Variants in SPATA17 observed in about 807,000 individuals in gnomAD.
SPATA17 encodes spermatogenesis-associated protein 17.
SPATA17 carries 53 observed loss-of-function variants against 62.2 expected under a neutral mutation model. That is an observed-to-expected ratio of 0.85 (90% CI 0.68 to 1.07). The LOEUF (loss-of-function observed/expected upper bound fraction) is 1.07, where lower values mean the gene tolerates loss of function less well. SPATA17 is among the 50% of genes least tolerant of loss of function. The pLI is 0.00. For missense variants in SPATA17, 466 were observed against 425.5 expected (o/e 1.10, Z -0.84); for synonymous variants, 146 against 146.8 (o/e 0.99, Z 0.04).
intron 3 of SPATA17, among the ~76,000 whole-genome samples, chr1:217,656,282 C>T (rs1252607575): frequency 2.6e-5 from 4 of 152,054 alleles, no homozygotes; most frequent in Admixed American, 6.6e-5. Flanking sequence ...ATGATGCTGG[C>T]GTTGCTGATT....
chr1:217,766,774 G>A (rs1304514960), intron 6 of SPATA17, among the ~76,000 whole-genome samples: 1 of 149,822 alleles, frequency 6.7e-6, no homozygotes, highest in East Asian at 2.0e-4. Flanking sequence ...GGTTCACGGG[G>A]CACACATGCA....
chr1:217,760,273 C>A (rs553739006), intron 6 of SPATA17, among the ~76,000 whole-genome samples: 2 of 152,050 alleles, frequency 1.3e-5, no homozygotes, highest in African/African-American at 2.4e-5. Flanking sequence ...ATTTTCTGGG[C>A]CTTCTACTAT....
At chr1:217,782,417 T>A (rs1350123033) in intron 8 of SPATA17, 95 bp downstream of exon 8, 1 of 1,355,072 alleles carries the variant, frequency 7.4e-7, no homozygotes, top group African/African-American at 1.5e-5. Context: ...AATCTTTTAT[T>A]TGTGAGAAAA....
Position 217,868,083 on chromosome 1 carries a change from T to C in SPATA17, c.*1064T>C, listed in dbSNP as rs1425233764. 2.6e-5 allele frequency: 4 copies of C among 152,196 alleles called. No homozygotes were observed. Among genetic ancestry groups the C allele is most frequent in the Non-Finnish European group, 5.9e-5 (4 of 68,036 alleles). 9.4% of individuals were successfully genotyped at this position (152,196 alleles called of 1,614,324 possible). A position where few individuals can be genotyped will look rare whatever the true frequency, so the allele number is the denominator to read the frequency against. Reference sequence around the variant, plus strand: ...TAAAAAGACATTATCTATCAATCACTGTGTGTGTACAGTTTTGAGCTCCTG... The same window carrying C: ...TAAAAAGACATTATCTATCAATCACCGTGTGTGTACAGTTTTGAGCTCCTG... On this transcript the variant is annotated 3_prime_UTR_variant, in exon 11 of 11. Coordinates refer to ENST00000366933, the MANE Select transcript of SPATA17 (RefSeq NM_138796.4).
At chr1:217,814,594 T>C (rs918404647) in intron 9 of SPATA17, among the ~76,000 whole-genome samples, 6 of 152,148 alleles carry the variant, frequency 3.9e-5, no homozygotes, top group South Asian at 2.1e-4. Flanking sequence ...ACTCCTGTAA[T>C]CCCAGCACTT....
At chr1:217,853,268 T>G (rs922128580) in intron 9 of SPATA17, among the ~76,000 whole-genome samples, 2 of 152,166 alleles carry the variant, frequency 1.3e-5, no homozygotes, top group African/African-American at 4.8e-5. Flanking sequence ...CATTACCTTA[T>G]TTTTTATGTC....
intron 9 of SPATA17, among the ~76,000 whole-genome samples, chr1:217,839,992 A>C (rs1333830910): frequency 1.4e-5 from 2 of 144,892 alleles, no homozygotes; most frequent in African/African-American, 4.9e-5. Flanking sequence ...ATCGTGTTTA[A>C]AGGTTTAATC....
intron 8 of SPATA17, among the ~76,000 whole-genome samples, chr1:217,801,447 T>C (rs1674309616): frequency 6.6e-6 from 1 of 152,250 alleles, no homozygotes; most frequent in East Asian, 1.9e-4. Flanking sequence ...AAATGTATTA[T>C]TTAACATTAT....
intron 5 of SPATA17, among the ~76,000 whole-genome samples, chr1:217,735,471 C>G (rs1672491819): frequency 6.6e-6 from 1 of 152,186 alleles, no homozygotes. Flanking sequence ...CAAATGCCAT[C>G]ACATTTAGGA....
At chr1:217,703,482 C>T (rs1272699552) in intron 5 of SPATA17, among the ~76,000 whole-genome samples, 1 of 152,154 alleles carries the variant, frequency 6.6e-6, no homozygotes, top group East Asian at 1.9e-4. Context: ...TATTTCATTA[C>T]TTTTTATCCT....
intron 1 of SPATA17, among the ~76,000 whole-genome samples, chr1:217,644,230 T>C (rs898076497): frequency 6.6e-6 from 1 of 152,160 alleles, no homozygotes; most frequent in African/African-American, 2.4e-5. Flanking sequence ...ACTAATGAAA[T>C]ATAAAACATA....
At chr1:217,742,180 A>T in intron 6 of SPATA17, 82 bp downstream of exon 6, 1 of 1,522,562 alleles carries the variant, frequency 6.6e-7, no homozygotes, top group South Asian at 1.2e-5. Context: ...GCTGAATGGG[A>T]CATGACTTGT....
At chr1:217,652,739 A>G (rs1380912454) in intron 3 of SPATA17, among the ~76,000 whole-genome samples, 1 of 152,184 alleles carries the variant, frequency 6.6e-6, no homozygotes. Flanking sequence ...TTAAATATGC[A>G]ATATCTCTGA....
intron 3 of SPATA17, among the ~76,000 whole-genome samples, chr1:217,658,209 G>A (rs1272174717): frequency 6.6e-6 from 1 of 152,146 alleles, no homozygotes; most frequent in Non-Finnish European, 1.5e-5. Flanking sequence ...AGGTGTTTGG[G>A]TCATGGGGGA....
chr1:217,786,722 T>A (rs1450730942), intron 8 of SPATA17, among the ~76,000 whole-genome samples: 1 of 151,352 alleles, frequency 6.6e-6, no homozygotes, highest in African/African-American at 2.4e-5. Context: ...AGGTTAGAAC[T>A]AAAATGATAG....
chr1:217,711,431 A>G (rs1409283209), intron 5 of SPATA17, among the ~76,000 whole-genome samples: 1 of 152,230 alleles, frequency 6.6e-6, no homozygotes, highest in Non-Finnish European at 1.5e-5. Context: ...GATAAAAAAT[A>G]TAAGACATAA....
At chr1:217,736,922 G>A (rs1250591937) in intron 5 of SPATA17, among the ~76,000 whole-genome samples, 1 of 152,188 alleles carries the variant, frequency 6.6e-6, no homozygotes. Context: ...TTACGATCTG[G>A]TGATGAAAGA....
At chr1:217,764,002 A>G (rs574710451) in intron 6 of SPATA17, among the ~76,000 whole-genome samples, 83 of 152,194 alleles carry the variant, frequency 5.5e-4, no homozygotes, top group African/African-American at 1.9e-3. Flanking sequence ...ACACATGCAC[A>G]CCCTTCCCCA....
intron 4 of SPATA17, among the ~76,000 whole-genome samples, chr1:217,682,263 A>G (rs766198608): frequency 6.6e-5 from 10 of 151,934 alleles, no homozygotes; most frequent in Non-Finnish European, 1.2e-4. Flanking sequence ...CAAAGATAGG[A>G]CTTAAGGACA....
Sources: gnomAD v4.1 joint callset for allele counts (sites outside exome capture counted in the v4.1 genomes callset) on GRCh38, gnomAD v4.1.1 for gene constraint, MANE v1.5 for transcripts, NCBI Gene and HGNC (gene_info 2026-07-23, HGNC 2026-07-21) for gene names.